The following COL24A1 variants were observed in gnomAD, a reference collection of about 807,000 sequenced individuals.
The protein encoded by COL24A1 is collagen alpha-1(XXIV) chain.
A neutral mutation model predicts 253.9 loss-of-function variants in COL24A1; 224 were observed. The ratio of observed to expected loss-of-function variants is 0.88; its 90% CI spans 0.79 to 0.99. The LOEUF (loss-of-function observed/expected upper bound fraction) is 0.99. Among genes scored for constraint, COL24A1 ranks in the 50% least tolerant of loss-of-function variants. COL24A1 has a pLI of 0.00. For missense variants in COL24A1, 2,131 were observed against 2,068.5 expected (o/e 1.03, Z -0.59); for synonymous variants, 685 against 673.7 (o/e 1.02, Z -0.26).
At chr1:85,947,910 T>G (rs2103260330) in intron 24 of COL24A1, among the ~76,000 whole-genome samples, 1 of 152,346 alleles carries the variant, frequency 6.6e-6, no homozygotes, top group South Asian at 2.1e-4. Context: ...CTATAAGAAT[T>G]TATTTCATTA....
At chr1:86,114,485 G>A (rs1705931444) in intron 4 of COL24A1, among the ~76,000 whole-genome samples, 1 of 152,168 alleles carries the variant, frequency 6.6e-6, no homozygotes, top group East Asian at 1.9e-4. Context: ...TGGTTCATGG[G>A]CTAGAGGAGA....
At chr1:85,906,143 C>G (rs1040854957) in intron 28 of COL24A1, among the ~76,000 whole-genome samples, 1 of 151,602 alleles carries the variant, frequency 6.6e-6, no homozygotes, top group African/African-American at 2.4e-5. Flanking sequence ...TTAATAAAGG[C>G]AAATCTGCTC....
chr1:85,741,247 T>C (rs1347986465), intron 57 of COL24A1, among the ~76,000 whole-genome samples: 1 of 152,224 alleles, frequency 6.6e-6, no homozygotes, highest in Non-Finnish European at 1.5e-5. Context: ...CTGCTGTTTC[T>C]ACTAGTTCTC....
Position 86,001,765 on chromosome 1 carries a change from A to C in COL24A1, c.2311-14111T>G, listed in dbSNP as rs574055140. ...CAAGGGAGGAAATATATATACACAC[A>C]CACACAAAGGAGAGACTAAGAGCCT... On this transcript the variant is annotated intron_variant, in intron 19 of 59. Coordinates refer to ENST00000370571, the MANE Select transcript of COL24A1 (RefSeq NM_152890.7). Among the ~76,000 whole-genome samples the C allele has an allele frequency of 2.0e-5, 3 of 152,274 alleles. No individual in the cohort carries two copies. The East Asian group carries it at 5.8e-4, about 29-fold the overall frequency.
intron 6 of COL24A1, 54 bp from the exon 7 acceptor site, chr1:86,089,281 T>G: frequency 2.6e-4 from 305 of 1,184,852 alleles, no homozygotes; most frequent in Non-Finnish European, 3.4e-4. Flanking sequence ...AAAATTAGAA[T>G]TCTCTTGAAA....
intron 50 of COL24A1, 88 bp downstream of exon 50, chr1:85,784,024 TA>T: frequency 9.6e-7 from 1 of 1,045,384 alleles, no homozygotes; most frequent in Non-Finnish European, 1.4e-6. Flanking sequence ...TTTACAGATT[TA>T]AAAAAGCTCA....
intron 43 of COL24A1, among the ~76,000 whole-genome samples, chr1:85,828,025 T>G (rs1674625465): frequency 6.6e-6 from 1 of 152,100 alleles, no homozygotes; most frequent in African/African-American, 2.4e-5. Flanking sequence ...GGGTGTCAAT[T>G]TTGGATCTTT....
chr1:85,756,329 G>C (rs1666253451), intron 55 of COL24A1, among the ~76,000 whole-genome samples: 1 of 152,006 alleles, frequency 6.6e-6, no homozygotes, highest in Non-Finnish European at 1.5e-5. Flanking sequence ...TGAGGCAGGA[G>C]AATCACTTGA....
At chr1:86,105,507 G>A (rs12084946) in intron 5 of COL24A1, among the ~76,000 whole-genome samples, 1 of 152,180 alleles carries the variant, frequency 6.6e-6, no homozygotes, top group African/African-American at 2.4e-5. Context: ...CCTGGGAAAG[G>A]CCAGCAGATC....
intron 5 of COL24A1, among the ~76,000 whole-genome samples, chr1:86,098,837 A>G (rs1335638597): frequency 6.6e-6 from 1 of 152,226 alleles, no homozygotes; most frequent in African/African-American, 2.4e-5. Flanking sequence ...ACGTAACAGA[A>G]TCTAACATCT....
chr1:85,990,728 A>T (rs1378203296), intron 19 of COL24A1, among the ~76,000 whole-genome samples: 2 of 152,238 alleles, frequency 1.3e-5, no homozygotes, highest in Non-Finnish European at 2.9e-5. Context: ...ATATGGGACA[A>T]TATGAACTTC....
chr1:86,144,995 T>A (rs17408298), intron 2 of COL24A1, among the ~76,000 whole-genome samples: 12,946 of 152,154 alleles, frequency 0.085, 708 homozygotes, highest in Non-Finnish European at 0.11. Flanking sequence ...AGAATAGTTT[T>A]TCATGAAGTT....
At chr1:86,068,298 C>T (rs1474414166) in intron 7 of COL24A1, among the ~76,000 whole-genome samples, 1 of 152,206 alleles carries the variant, frequency 6.6e-6, no homozygotes, top group African/African-American at 2.4e-5. Flanking sequence ...GCCACCCCTC[C>T]CCCATCTCCC....
At chr1:86,153,151 C>A (rs1653000726) in intron 1 of COL24A1, among the ~76,000 whole-genome samples, 1 of 152,156 alleles carries the variant, frequency 6.6e-6, no homozygotes, top group African/African-American at 2.4e-5. Context: ...TCAGTAAGGT[C>A]TCAGTCTAGA....
At chr1:85,874,851 A>C in intron 34 of COL24A1, 149 bp from the exon 35 acceptor site, 3 of 715,024 alleles carry the variant, frequency 4.2e-6, no homozygotes, top group South Asian at 1.9e-5. Flanking sequence ...GCAAAACAGC[A>C]GGTGAGCAGC....
chr1:85,990,481 T>G lies in COL24A1; in HGVS notation c.2311-2827A>C, dbSNP rs1361600844. ...GGTTCGTGCTCCTATGAGACTCTAA[T>G]GCTGCCGCTGATCTGACAGGAGGTG... On this transcript the variant is annotated intron_variant, in intron 19 of 59. Coordinates refer to ENST00000370571, the MANE Select transcript of COL24A1 (RefSeq NM_152890.7). Among the ~76,000 whole-genome samples, 3 of 152,316 alleles carry G rather than the reference T, an allele frequency of 2.0e-5. No individual in the cohort carries two copies. In the East Asian group the frequency reaches 5.8e-4, roughly 29 times the overall value.
chr1:85,831,870 GC>G (rs1675331267), intron 43 of COL24A1, among the ~76,000 whole-genome samples: 1 of 151,938 alleles, frequency 6.6e-6, no homozygotes, highest in South Asian at 2.1e-4. Flanking sequence ...AATAATTTTG[GC>G]AAAAAATGAT....
intron 13 of COL24A1, among the ~76,000 whole-genome samples, 181 bp from the exon 14 acceptor site, chr1:86,032,103 C>G (rs1314938834): frequency 6.6e-6 from 1 of 152,134 alleles, no homozygotes; most frequent in African/African-American, 2.4e-5. Context: ...CTATGGTGGC[C>G]ATTTATGTTC....
At chr1:85,991,523 G>A (rs1694272049) in intron 19 of COL24A1, among the ~76,000 whole-genome samples, 1 of 152,106 alleles carries the variant, frequency 6.6e-6, no homozygotes, top group South Asian at 2.1e-4. Flanking sequence ...GACCTGTGTG[G>A]TAGTTACAAG....
Sources: gnomAD v4.1 joint callset for allele counts (sites outside exome capture counted in the v4.1 genomes callset) on GRCh38, gnomAD v4.1.1 for gene constraint, MANE v1.5 for transcripts, NCBI Gene and HGNC (gene_info 2026-07-23, HGNC 2026-07-21) for gene names.